Variants in UBE2E2 observed in about 807,000 individuals in gnomAD.
The protein encoded by UBE2E2 is ubiquitin conjugating enzyme E2 E2, also known as ubiquitin-conjugating enzyme E2 E2.
Under a neutral mutation model 24.7 loss-of-function variants are expected in UBE2E2, and 6 were observed. The observed-to-expected ratio is 0.24, with a 90% CI of 0.13 to 0.48. The LOEUF is 0.48. UBE2E2 is among the 20% of genes least tolerant of loss of function. The probability of loss-of-function intolerance (pLI) is 0.99; values close to 1 mark genes in which losing one functional copy is unlikely to be tolerated. For synonymous variants in UBE2E2, 104 were observed against 83.6 expected (o/e 1.24, Z -1.33); for missense variants, 169 against 245.0 (o/e 0.69, Z 2.07).
chr3:23,252,599 C>A (rs546007308), intron 3 of UBE2E2, among the ~76,000 whole-genome samples: 1 of 152,264 alleles, frequency 6.6e-6, no homozygotes, highest in South Asian at 2.1e-4. Context: ...TCGGTTCAAG[C>A]GATTCTCCTG....
intron 3 of UBE2E2, among the ~76,000 whole-genome samples, chr3:23,498,993 C>G (rs1264407488): frequency 6.6e-6 from 1 of 152,178 alleles, no homozygotes; most frequent in African/African-American, 2.4e-5. Flanking sequence ...GCACTAAGGA[C>G]AAGGTACAAC....
intron 3 of UBE2E2, among the ~76,000 whole-genome samples, chr3:23,441,309 C>T (rs1698297329): frequency 6.8e-6 from 1 of 147,284 alleles, no homozygotes; most frequent in African/African-American, 2.5e-5. Flanking sequence ...CAGATCACGA[C>T]GTCATGAGAT....
At chr3:23,292,012 C>A (rs1358975267) in intron 3 of UBE2E2, among the ~76,000 whole-genome samples, 2 of 151,996 alleles carry the variant, frequency 1.3e-5, no homozygotes, top group Admixed American at 6.6e-5. Flanking sequence ...GCGCCCGCCA[C>A]CGCACCCGGC....
intron 3 of UBE2E2, chr3:23,270,886 C>T (rs181332710): frequency 2.2e-4 from 101 of 455,918 alleles, no homozygotes; most frequent in Non-Finnish European, 3.3e-4. Context: ...AGATTAAGAA[C>T]GATAATTGTC....
intron 3 of UBE2E2, among the ~76,000 whole-genome samples, chr3:23,289,691 T>C (rs1698708627): frequency 6.6e-6 from 1 of 152,248 alleles, no homozygotes; most frequent in African/African-American, 2.4e-5. Flanking sequence ...GGTATACACA[T>C]TAGCTGAGTA....
chr3:23,479,570 A>G (rs9862557), intron 3 of UBE2E2, among the ~76,000 whole-genome samples: 61,017 of 151,870 alleles, frequency 0.4, 13,032 homozygotes, highest in East Asian at 0.65. Flanking sequence ...CACTGTTTGT[A>G]TTACAGCTCT....
intron 4 of UBE2E2, among the ~76,000 whole-genome samples, chr3:23,509,528 C>G (rs986264007): frequency 1.3e-5 from 2 of 151,930 alleles, no homozygotes; most frequent in African/African-American, 4.8e-5. Context: ...AAATATCAAT[C>G]CCTTTATGGC....
At chr3:23,513,004 A>G (rs1694643958) in intron 4 of UBE2E2, among the ~76,000 whole-genome samples, 1 of 152,144 alleles carries the variant, frequency 6.6e-6, no homozygotes, top group Non-Finnish European at 1.5e-5. Flanking sequence ...TATACTGTGT[A>G]TTTATGTTTC....
At chr3:23,318,749 G>A (rs1298232818) in intron 3 of UBE2E2, among the ~76,000 whole-genome samples, 1 of 152,070 alleles carries the variant, frequency 6.6e-6, no homozygotes, top group Non-Finnish European at 1.5e-5. Flanking sequence ...CCTCCCACCA[G>A]GTCCCTCCCA....
chr3:23,430,629 C>G (rs1698038804), intron 3 of UBE2E2, among the ~76,000 whole-genome samples: 1 of 152,046 alleles, frequency 6.6e-6, no homozygotes, highest in Admixed American at 6.6e-5. Context: ...AGCAGTCTTC[C>G]TGTCTTATCC....
chr3:23,380,115 G>T (rs1696630581), intron 3 of UBE2E2, among the ~76,000 whole-genome samples: 1 of 143,374 alleles, frequency 7.0e-6, no homozygotes, highest in Non-Finnish European at 1.5e-5. Flanking sequence ...CCCTGAAATT[G>T]CGAACTTCTC....
intron 3 of UBE2E2, among the ~76,000 whole-genome samples, chr3:23,263,547 G>C (rs1559324059): frequency 6.6e-6 from 1 of 152,184 alleles, no homozygotes; most frequent in Non-Finnish European, 1.5e-5. Flanking sequence ...TGTCACCTTA[G>C]TGGAAGATGC....
chr3:23,571,767 C>T (rs907586367), intron 5 of UBE2E2, among the ~76,000 whole-genome samples: 8 of 152,170 alleles, frequency 5.3e-5, no homozygotes, highest in African/African-American at 1.9e-4. Context: ...TCCTTGAAGA[C>T]ACTCTGAATC....
intron 3 of UBE2E2, among the ~76,000 whole-genome samples, chr3:23,417,909 G>T (rs1398312147): frequency 1.3e-5 from 2 of 152,024 alleles, no homozygotes; most frequent in African/African-American, 4.8e-5. Flanking sequence ...TCCCTCCCGT[G>T]CCCAAGGTCC....
chr3:23,422,118 A>ATATT (rs560620689), intron 3 of UBE2E2, among the ~76,000 whole-genome samples: 308 of 152,290 alleles, frequency 2.0e-3, no homozygotes, highest in African/African-American at 7.2e-3. Context: ...TTAATTATAA[A>ATATT]TATTTATATT....
chr3:23,327,044 G>A (rs1028186350), intron 3 of UBE2E2, among the ~76,000 whole-genome samples: 5 of 152,224 alleles, frequency 3.3e-5, no homozygotes, highest in African/African-American at 7.2e-5. Flanking sequence ...TGGTGTTTAT[G>A]TGCCACATTT....
At chr3:23,414,734 A>G (rs981354084) in intron 3 of UBE2E2, among the ~76,000 whole-genome samples, 3 of 152,216 alleles carry the variant, frequency 2.0e-5, no homozygotes, top group Non-Finnish European at 2.9e-5. Flanking sequence ...TGATTAGGTC[A>G]TGAAAGTGGA....
intron 3 of UBE2E2, among the ~76,000 whole-genome samples, chr3:23,469,865 T>A (rs1698997539): frequency 6.6e-6 from 1 of 152,224 alleles, no homozygotes; most frequent in Non-Finnish European, 1.5e-5. Context: ...TTTCTTGTCT[T>A]TCATCTTCAC....
chr3:23,356,011 T>C (rs4858075), intron 3 of UBE2E2, among the ~76,000 whole-genome samples: 2,165 of 152,328 alleles, frequency 0.014, 125 homozygotes, highest in Admixed American at 0.11. Context: ...TCATTAAAGC[T>C]AGAAATACAG....
Sources: gnomAD v4.1 joint callset for allele counts (sites outside exome capture counted in the v4.1 genomes callset) on GRCh38, gnomAD v4.1.1 for gene constraint, MANE v1.5 for transcripts, NCBI Gene and HGNC (gene_info 2026-07-23, HGNC 2026-07-21) for gene names.